Variants in LUZP2 observed in about 807,000 individuals in gnomAD.
The protein encoded by LUZP2 is leucine zipper protein 2.
In LUZP2, 52 loss-of-function variants were observed where a neutral mutation model predicts 51.6. That is an observed-to-expected ratio of 1.01 (90% CI 0.81 to 1.27). The LOEUF (loss-of-function observed/expected upper bound fraction) is 1.27. Ranked by LOEUF, LUZP2 falls within the 50% of genes most tolerant of loss-of-function variation. The probability of loss-of-function intolerance (pLI) is 0.00; values close to 1 mark genes in which losing one functional copy is unlikely to be tolerated. For missense variants in LUZP2, 436 were observed against 395.4 expected (o/e 1.10, Z -0.87); for synonymous variants, 154 against 137.3 (o/e 1.12, Z -0.85).
At chr11:24,631,547 C>G (rs966112667) in intron 1 of LUZP2, among the ~76,000 whole-genome samples, 6 of 151,772 alleles carry the variant, frequency 4.0e-5, no homozygotes, top group Non-Finnish European at 8.8e-5. Flanking sequence ...TTGAAATATC[C>G]TTGTATCCCT....
chr11:25,043,067 T>C (rs1371778960), intron 9 of LUZP2, among the ~76,000 whole-genome samples: 1 of 152,126 alleles, frequency 6.6e-6, no homozygotes, highest in East Asian at 1.9e-4. Flanking sequence ...AAGATGGCCA[T>C]CTGCAAGCTC....
At chr11:24,919,934 T>C (rs1030677854) in intron 7 of LUZP2, among the ~76,000 whole-genome samples, 1 of 151,670 alleles carries the variant, frequency 6.6e-6, no homozygotes, top group Admixed American at 6.6e-5. Flanking sequence ...AAATAAATAA[T>C]TGGTTAGCTA....
rs1332980729 is a variant in LUZP2 at position 24,983,150 on chromosome 11, G to A, written c.622G>A (p.Glu208Lys). 2 of 1,611,812 alleles carry A rather than the reference G, an allele frequency of 1.2e-6. No homozygotes were observed. Among genetic ancestry groups the A allele is most frequent in the South Asian group, 2.2e-5 (2 of 90,966 alleles). Reference sequence around the variant, plus strand: ...GGAGTCACAGATGAAAGCAATGAAAGAGACTGTGCAGCTCTGCTTGACATC... The same window carrying A: ...GGAGTCACAGATGAAAGCAATGAAAAAGACTGTGCAGCTCTGCTTGACATC... ...DRESQMKAMKETVQLCLTSVF... is the reference protein window; with the variant it reads ...DRESQMKAMKKTVQLCLTSVF... Residue 208 changes from glutamate to lysine, a missense_variant, in exon 9 of 12, where the codon GAG (glutamate) becomes AAG (lysine). Physicochemically the swap from Glu to Lys is moderately conservative, Grantham distance 56. Coordinates refer to ENST00000336930, the MANE Select transcript of LUZP2 (RefSeq NM_001009909.4).
intron 5 of LUZP2, among the ~76,000 whole-genome samples, chr11:24,797,578 G>A (rs1446349259): frequency 1.3e-5 from 2 of 152,096 alleles, no homozygotes; most frequent in Admixed American, 6.6e-5. Flanking sequence ...CAGAAAACTT[G>A]CCTCCTGGTG....
At chr11:24,618,323 T>C (rs770036656) in intron 1 of LUZP2, among the ~76,000 whole-genome samples, 2 of 152,168 alleles carry the variant, frequency 1.3e-5, no homozygotes, top group Non-Finnish European at 2.9e-5. Flanking sequence ...TCAGCTCCCA[T>C]AGGGGTGAAA....
chr11:24,909,969 G>A (rs1853573082), intron 6 of LUZP2, among the ~76,000 whole-genome samples: 1 of 152,132 alleles, frequency 6.6e-6, no homozygotes, highest in Admixed American at 6.5e-5. Context: ...CTTCACAAAT[G>A]GTTTGACCAA....
intron 1 of LUZP2, among the ~76,000 whole-genome samples, chr11:24,711,385 G>A (rs1274786528): frequency 6.6e-6 from 1 of 152,086 alleles, no homozygotes; most frequent in African/African-American, 2.4e-5. Flanking sequence ...GGGAGGCGGA[G>A]CTTGCAGTGA....
intron 1 of LUZP2, among the ~76,000 whole-genome samples, chr11:24,722,666 C>T (rs1232619831): frequency 1.3e-5 from 2 of 151,902 alleles, no homozygotes; most frequent in African/African-American, 4.8e-5. Flanking sequence ...TCTTGTAATC[C>T]CAGCACTTTG....
intron 9 of LUZP2, among the ~76,000 whole-genome samples, chr11:25,012,933 C>A (rs1442639538): frequency 6.6e-6 from 1 of 152,076 alleles, no homozygotes; most frequent in Admixed American, 6.6e-5. Flanking sequence ...GATATTTATG[C>A]AGCACTCTTC....
chr11:24,596,544 A>AC (rs1013654529), intron 1 of LUZP2, among the ~76,000 whole-genome samples: 1 of 152,162 alleles, frequency 6.6e-6, no homozygotes, highest in Non-Finnish European at 1.5e-5. Flanking sequence ...TATTACTGAG[A>AC]CCAAGTGGTT....
At chr11:24,722,583 A>ATATTATCAATATTTT (rs1359271156) in intron 1 of LUZP2, among the ~76,000 whole-genome samples, 1 of 152,140 alleles carries the variant, frequency 6.6e-6, no homozygotes, top group African/African-American at 2.4e-5. Context: ...ATCAATATTT[A>ATATTATCAATATTTT]TATTATCAAC....
chr11:25,020,518 C>G (rs1029523071), intron 9 of LUZP2, among the ~76,000 whole-genome samples: 1 of 151,768 alleles, frequency 6.6e-6, no homozygotes, highest in Non-Finnish European at 1.5e-5. Flanking sequence ...TCTTGCAGCA[C>G]TATGCATCCT....
chr11:24,542,559 A>T (rs1851404363), intron 1 of LUZP2, among the ~76,000 whole-genome samples: 1 of 151,806 alleles, frequency 6.6e-6, no homozygotes, highest in African/African-American at 2.4e-5. Context: ...TATCATGAGG[A>T]GTGTATTGGG....
intron 7 of LUZP2, among the ~76,000 whole-genome samples, chr11:24,933,844 CT>C (rs1470662905): frequency 6.6e-6 from 1 of 151,982 alleles, no homozygotes; most frequent in African/African-American, 2.4e-5. Context: ...ATCATTAGTT[CT>C]TATAGGTTTG....
intron 1 of LUZP2, among the ~76,000 whole-genome samples, chr11:24,693,344 G>A (rs1238225902): frequency 1.3e-5 from 2 of 151,336 alleles, no homozygotes; most frequent in Non-Finnish European, 3.0e-5. Context: ...TTTTTCACAG[G>A]ACTATCTAAG....
At chr11:24,731,497 A>G (rs1003303044) in intron 2 of LUZP2, among the ~76,000 whole-genome samples, 1 of 151,738 alleles carries the variant, frequency 6.6e-6, no homozygotes, top group Non-Finnish European at 1.5e-5. Context: ...TTTCTGCTGT[A>G]ATTCATAGTC....
At chr11:24,655,018 A>G (rs2133970407) in intron 1 of LUZP2, among the ~76,000 whole-genome samples, 1 of 152,350 alleles carries the variant, frequency 6.6e-6, no homozygotes, top group Admixed American at 6.5e-5. Flanking sequence ...TCTAGGCCGT[A>G]CATAATCTTA....
chr11:24,951,824 A>G (rs1380706374), intron 7 of LUZP2, among the ~76,000 whole-genome samples: 41 of 151,748 alleles, frequency 2.7e-4, no homozygotes, highest in Non-Finnish European at 4.4e-5. Flanking sequence ...AAAACTTTAC[A>G]CCATCCTTGA....
chr11:24,563,091 G>A (rs1852104789), intron 1 of LUZP2, among the ~76,000 whole-genome samples: 1 of 152,134 alleles, frequency 6.6e-6, no homozygotes, highest in Non-Finnish European at 1.5e-5. Context: ...AGTGAAATGT[G>A]ATGAAACTAC....
Sources: allele counts gnomAD v4.1 joint callset (sites outside exome capture counted in the v4.1 genomes callset), GRCh38; gene constraint gnomAD v4.1.1; transcripts MANE v1.5; gene names NCBI Gene and HGNC (gene_info 2026-07-23, HGNC 2026-07-21).